Variants in TTC27 observed in about 807,000 individuals in gnomAD.
TTC27 encodes tetratricopeptide repeat protein 27.
Under a neutral mutation model 115.9 loss-of-function variants are expected in TTC27, and 79 were observed. The ratio of observed to expected loss-of-function variants is 0.68; its 90% confidence interval spans 0.57 to 0.82. The LOEUF is 0.82. TTC27 is among the 40% of genes least tolerant of loss of function. The pLI is 0.00. For synonymous variants in TTC27, 401 were observed against 356.0 expected (o/e 1.13, Z -1.42); for missense variants, 1,054 against 993.1 (o/e 1.06, Z -0.82).
intron 11 of TTC27, 131 bp from the exon 12 acceptor site, chr2:32,736,563 C>A: frequency 1.0e-6 from 1 of 971,044 alleles, no homozygotes; most frequent in South Asian, 1.7e-5. Flanking sequence ...CTAAATAGTA[C>A]AGATTGTAGA....
Position 32,820,850 on chromosome 2 carries a change from CCAGGGAATTAGCT to C in TTC27, c.2445_2457del (p.Arg816MetfsTer3). The C allele has an allele frequency of 6.5e-7, 1 of 1,541,744 alleles. No individual in the cohort carries two copies. The highest frequency in any genetic ancestry group is 8.8e-7 in the Non-Finnish European group (1 of 1,140,610). On this transcript the variant is annotated frameshift_variant, in exon 20 of 20. Transcript: ENST00000317907. LOFTEE classifies it high-confidence loss of function. ...ACAGATGTGGCAACTGGAGAAATGT[CCAGGGAATTAGCT>C]GATGACATAACAGCTATGGACACCT...
intron 12 of TTC27, among the ~76,000 whole-genome samples, chr2:32,754,997 C>T (rs1451690529): frequency 6.6e-6 from 1 of 151,392 alleles, no homozygotes. Context: ...GGCTGCCGGG[C>T]AGAGGGGCTC....
chr2:32,671,311 A>G (rs1666008157), intron 7 of TTC27, among the ~76,000 whole-genome samples: 1 of 151,378 alleles, frequency 6.6e-6, no homozygotes, highest in South Asian at 2.1e-4. Context: ...TTCCAAATGG[A>G]TATCCAGTTG....
At chr2:32,633,557 A>C (rs1342736289) in intron 2 of TTC27, among the ~76,000 whole-genome samples, 1 of 151,852 alleles carries the variant, frequency 6.6e-6, no homozygotes, top group Non-Finnish European at 1.5e-5. Context: ...GGGATGTACC[A>C]CCATGCCGGC....
intron 10 of TTC27, among the ~76,000 whole-genome samples, chr2:32,708,610 T>C (rs1488825805): frequency 1.3e-5 from 2 of 152,018 alleles, no homozygotes; most frequent in Non-Finnish European, 1.5e-5. Context: ...GCCCGGCCTC[T>C]TTTTTTATTT....
intron 10 of TTC27, among the ~76,000 whole-genome samples, chr2:32,711,116 C>CAAA (rs34140897): frequency 0.18 from 10,456 of 58,224 alleles, 877 homozygotes; most frequent in African/African-American, 0.19. Flanking sequence ...GACTCTGTCT[C>CAAA]AAAAAAAAAA....
intron 10 of TTC27, among the ~76,000 whole-genome samples, chr2:32,708,301 C>CTTTTTTTTTTTTTTTTTTT (rs1159740039): frequency 8.7e-5 from 7 of 80,296 alleles, no homozygotes; most frequent in South Asian, 5.2e-4. Context: ...TTTTCTCTAC[C>CTTTTTTTTTTTTTTTTTTT]TTGTTTTTTT....
intron 11 of TTC27, among the ~76,000 whole-genome samples, chr2:32,734,799 A>G (rs1487912213): frequency 6.6e-6 from 1 of 152,192 alleles, no homozygotes; most frequent in Non-Finnish European, 1.5e-5. Flanking sequence ...TTAGCTTTTC[A>G]TTGGGTTGAA....
chr2:32,685,011 T>C (rs1384325054), intron 9 of TTC27, among the ~76,000 whole-genome samples: 2 of 141,510 alleles, frequency 1.4e-5, no homozygotes, highest in African/African-American at 5.0e-5. Flanking sequence ...TGCTTTGCCT[T>C]TTCCTTTTTT....
chr2:32,687,826 A>G (rs1462049500), intron 9 of TTC27, among the ~76,000 whole-genome samples: 1 of 152,196 alleles, frequency 6.6e-6, no homozygotes, highest in Admixed American at 6.5e-5. Context: ...ATAGAACTAA[A>G]TTGAAAAACA....
At chr2:32,676,733 C>T (rs1039245338) in intron 8 of TTC27, among the ~76,000 whole-genome samples, 43 of 151,980 alleles carry the variant, frequency 2.8e-4, no homozygotes, top group Non-Finnish European at 1.3e-4. Flanking sequence ...TCGTGATCCA[C>T]CTGCCTTGGC....
intron 12 of TTC27, among the ~76,000 whole-genome samples, chr2:32,739,668 GTATTT>G (rs1243617068): frequency 6.6e-6 from 1 of 152,098 alleles, no homozygotes; most frequent in African/African-American, 2.4e-5. Flanking sequence ...GTTGATTTTA[GTATTT>G]TATTTAACCC....
At chr2:32,678,739 A>T in intron 8 of TTC27, 117 bp from the exon 9 acceptor site, 1 of 737,240 alleles carries the variant, frequency 1.4e-6, no homozygotes, top group Non-Finnish European at 2.1e-6. Context: ...CATAATATTT[A>T]AATATCTGCT....
intron 9 of TTC27, among the ~76,000 whole-genome samples, chr2:32,680,923 A>G (rs1248643751): frequency 6.6e-6 from 1 of 151,920 alleles, no homozygotes; most frequent in African/African-American, 2.4e-5. Flanking sequence ...TCTTTAACCT[A>G]TTCTCCTTCC....
At chr2:32,740,091 G>T (rs1446832595) in intron 12 of TTC27, among the ~76,000 whole-genome samples, 2 of 152,160 alleles carry the variant, frequency 1.3e-5, no homozygotes, top group Non-Finnish European at 2.9e-5. Flanking sequence ...CTTGGTATCA[G>T]AACTGGTTCT....
At chr2:32,663,224 G>GA (rs1286784186) in intron 5 of TTC27, among the ~76,000 whole-genome samples, 1 of 152,188 alleles carries the variant, frequency 6.6e-6, no homozygotes, top group Non-Finnish European at 1.5e-5. Flanking sequence ...ATTGGGGTAT[G>GA]AAAAAACTTC....
intron 10 of TTC27, among the ~76,000 whole-genome samples, chr2:32,725,652 G>A (rs1239326417): frequency 3.3e-5 from 5 of 152,118 alleles, no homozygotes; most frequent in East Asian, 3.9e-4. Context: ...CCAGGCACAC[G>A]GTGCAAGATG....
intron 9 of TTC27, among the ~76,000 whole-genome samples, chr2:32,686,580 C>T (rs1021145889): frequency 2.6e-5 from 4 of 151,836 alleles, no homozygotes; most frequent in South Asian, 2.1e-4. Context: ...AGGGTGGTCT[C>T]GAACTCCCAG....
chr2:32,649,809 G>A (rs931915512), intron 4 of TTC27, among the ~76,000 whole-genome samples: 2 of 152,020 alleles, frequency 1.3e-5, no homozygotes, highest in Non-Finnish European at 2.9e-5. Context: ...CTCCCAAAGT[G>A]TTGGGATTAC....
Sources: allele counts gnomAD v4.1 joint callset (sites outside exome capture counted in the v4.1 genomes callset), GRCh38; gene constraint gnomAD v4.1.1; transcripts MANE v1.5; gene names NCBI Gene and HGNC (gene_info 2026-07-23, HGNC 2026-07-21).